PRSS55: variants seen among roughly 807,000 people sequenced by gnomAD.
PRSS55 encodes serine protease 55.
In PRSS55, 41 loss-of-function variants were observed where a neutral mutation model predicts 23.6. That is an observed-to-expected ratio of 1.74 (90% CI 1.35 to 2.26). PRSS55 has a LOEUF of 2.26. Among genes scored for constraint, PRSS55 ranks in the 30% most tolerant of loss-of-function variants. The pLI, the probability that PRSS55 is intolerant of heterozygous loss-of-function variation, is 0.00. For synonymous variants in PRSS55, 262 were observed against 175.5 expected, an observed-to-expected ratio of 1.49 and a Z score of -3.90; for missense variants, 669 against 439.1, an observed-to-expected ratio of 1.52 and a Z score of -4.68.
At chr8:10,548,061 G>C (rs149681523) in intron 4 of PRSS55, among the ~76,000 whole-genome samples, 1 of 152,262 alleles carries the variant, frequency 6.6e-6, no homozygotes, top group Non-Finnish European at 1.5e-5. Flanking sequence ...CTCAGGACAG[G>C]ACTGCTCCGT....
In PRSS55 at chr8:10,545,014, A is replaced by G. The variant is rs929507978; in HGVS notation, c.742-8929A>G. On this transcript the variant is annotated intron_variant, in intron 4 of 4. Transcript: ENST00000522210. ...TGTGCTCTGTTGACCCAGCCTCAAC[A>G]AACAGGACATGGTGGCCTGCACCTG... is the stretch of plus-strand genomic sequence containing the variant. The G allele has an allele frequency of 7.1e-6, 7 of 985,218 alleles. No homozygotes were observed. The African/African-American group carries it at 1.2e-4, about 17-fold the overall frequency. 61.0% of individuals were successfully genotyped at this position (985,218 alleles called of 1,614,324 possible).
At position 10,529,611 on chromosome 8, in the gene PRSS55, G is replaced by A. The variant is rs772903766; in HGVS notation, c.259G>A (p.Ala87Thr). ...GTTTCCGTGGCAGGTGAGTATTCAG[G>A]CAAGAAGTGAACCTTTCTGTGGCGG... ...GEFPWQVSIQARSEPFCGGSI... is the reference protein window; with the variant it reads ...GEFPWQVSIQTRSEPFCGGSI... The change falls in exon 2 of 5, where the codon GCA (alanine) becomes ACA (threonine). Residue 87 changes from alanine (A) to threonine (T), a missense_variant. By Grantham distance (58) the Ala-to-Thr change is moderately conservative. Transcript: ENST00000328655. 7.4e-6 allele frequency: 12 copies of A among 1,614,196 alleles called. No homozygotes were observed. The highest frequency in any genetic ancestry group is 1.0e-5 in the Non-Finnish European group (12 of 1,180,022).
chr8:10,548,687 C>T (rs886352200), intron 4 of PRSS55, among the ~76,000 whole-genome samples: 4 of 152,216 alleles, frequency 2.6e-5, no homozygotes, highest in African/African-American at 9.6e-5. Context: ...GAAGCCCAGG[C>T]ACAAGGTGGG....
intron 4 of PRSS55, among the ~76,000 whole-genome samples, chr8:10,549,872 T>G (rs1812913379): frequency 6.6e-6 from 1 of 152,222 alleles, no homozygotes; most frequent in Admixed American, 6.5e-5. Context: ...AGTCTTTCTG[T>G]AGTGAAATGA....
At chr8:10,550,651 C>G (rs1158102031) in intron 4 of PRSS55, among the ~76,000 whole-genome samples, 1 of 152,206 alleles carries the variant, frequency 6.6e-6, no homozygotes, top group Non-Finnish European at 1.5e-5. Context: ...CTTCCTCTCT[C>G]CTGCCTGCCT....
chr8:10,550,117 C>T (rs75245703), intron 4 of PRSS55, among the ~76,000 whole-genome samples: 181 of 152,230 alleles, frequency 1.2e-3, no homozygotes, highest in African/African-American at 3.8e-3. Flanking sequence ...CGGGGTTTCT[C>T]CATGTTGGCC....
chr8:10,542,077 C>T (rs1273329943), downstream of PRSS55, among the ~76,000 whole-genome samples: 1 of 152,180 alleles, frequency 6.6e-6, no homozygotes, highest in African/African-American at 2.4e-5. Flanking sequence ...CGCACCTGGC[C>T]CTGTTTCACC....
At chr8:10,554,090 C>A in exon 5 of PRSS55, 1 of 1,145,244 alleles carries the variant, frequency 8.7e-7, no homozygotes, top group Non-Finnish European at 1.2e-6. Flanking sequence ...TACCCTTGGG[C>A]ATAGCCTTGA....
chr8:10,546,269 A>G (rs4391392), intron 4 of PRSS55, among the ~76,000 whole-genome samples: 152,141 of 152,310 alleles, frequency 1, 75,987 homozygotes, highest in Middle Eastern at 1. Context: ...TGCAGAAAAA[A>G]CCATGAGCAA....
At chr8:10,529,360 C>G in intron 1 of PRSS55, 147 bp from the exon 2 acceptor site, 3 of 786,278 alleles carry the variant, frequency 3.8e-6, no homozygotes, top group Non-Finnish European at 6.6e-6. Context: ...AGGGCTGCCC[C>G]GCTCGGCAGC....
At chr8:10,529,249 G>A (rs1006872796) in intron 1 of PRSS55, among the ~76,000 whole-genome samples, 1 of 152,192 alleles carries the variant, frequency 6.6e-6, no homozygotes, top group African/African-American at 2.4e-5. Flanking sequence ...TGACTCTCCT[G>A]AGGTCACAAA....
chr8:10,530,935 C>T (rs1046869672), intron 2 of PRSS55, among the ~76,000 whole-genome samples: 1 of 152,058 alleles, frequency 6.6e-6, no homozygotes, highest in Non-Finnish European at 1.5e-5. Flanking sequence ...ATAATGAATG[C>T]CTTATCTATC....
At chr8:10,540,747 A>G (rs1200100627), downstream of PRSS55, 1 of 152,190 alleles carries the variant, frequency 6.6e-6, no homozygotes, top group African/African-American at 2.4e-5. Flanking sequence ...AAAGCTTCCT[A>G]GTTATCCTTT....
rs760261942 is a variant in PRSS55, at chr8:10,554,042, C to G, written c.*10C>G. The G allele has an allele frequency of 6.6e-6, 10 of 1,514,112 alleles. No individual in the cohort carries two copies. In the South Asian group the frequency reaches 1.0e-4, roughly 15 times the overall value. 93.8% of individuals were successfully genotyped at this position (1,514,112 alleles called of 1,614,324 possible). ...TCATCTGCAAAACTGATGCTTTGCT[C>G]TTTCTTCTACATGGAGCCATTTTTG... On this transcript the variant is annotated 3_prime_UTR_variant, in exon 5 of 5. Transcript: ENST00000522210.
chr8:10,530,152 T>C (rs1443489567), intron 2 of PRSS55, among the ~76,000 whole-genome samples: 1 of 152,234 alleles, frequency 6.6e-6, no homozygotes, highest in Non-Finnish European at 1.5e-5. Context: ...GGACTAACTA[T>C]GTGCTGGGGA....
At chr8:10,535,001 A>G (rs1449865660) in intron 4 of PRSS55, among the ~76,000 whole-genome samples, 1 of 152,246 alleles carries the variant, frequency 6.6e-6, no homozygotes, top group Non-Finnish European at 1.5e-5. Flanking sequence ...CTAGGAATAC[A>G]GACAATCAGG....
At chr8:10,542,419 GA>G (rs1554584731), downstream of PRSS55, among the ~76,000 whole-genome samples, 3 of 133,520 alleles carry the variant, frequency 2.2e-5, no homozygotes, top group African/African-American at 9.3e-5. Context: ...CCATGCGGGG[GA>G]AAAAAAAAAA....
chr8:10,529,387 C>A (rs1014657936), intron 1 of PRSS55, 120 bp from the exon 2 acceptor site: 3 of 1,022,686 alleles, frequency 2.9e-6, no homozygotes, highest in Non-Finnish European at 4.6e-6. Context: ...GAGCTCCTCT[C>A]TAGAATGGGG....
At chr8:10,527,377 A>G (rs1812067638) in intron 1 of PRSS55, among the ~76,000 whole-genome samples, 1 of 152,270 alleles carries the variant, frequency 6.6e-6, no homozygotes, top group East Asian at 1.9e-4. Context: ...TCAGGGAATC[A>G]GCCCACAAGC....
Sources: allele counts gnomAD v4.1 joint callset (sites outside exome capture counted in the v4.1 genomes callset), GRCh38; gene constraint gnomAD v4.1.1; transcripts MANE v1.5; gene names NCBI Gene and HGNC (gene_info 2026-07-23, HGNC 2026-07-21).